SMIM35: variants seen among roughly 807,000 people sequenced by gnomAD.
SMIM35 encodes small integral membrane protein 35.
chr11:118,041,748 G>A lies in SMIM35; in HGVS notation c.8-25939C>T, dbSNP rs548367995. Among the ~76,000 whole-genome samples, 27 of 152,186 alleles carry A rather than the reference G, an allele frequency of 1.8e-4. 2 individuals carry two copies. In the South Asian group the frequency reaches 5.4e-3, roughly 30 times the overall value. ...CCTAATCTTCCAGTTAATCTTCTAA[G>A]ACGCTAGAGAAAGAAACACAGGCCG... On this transcript the variant is annotated intron_variant, in intron 1 of 4. Transcript: ENST00000689828.
At chr11:118,032,069 T>C (rs975987375) in intron 1 of SMIM35, 13 of 152,092 alleles carry the variant, frequency 8.5e-5, no homozygotes, top group Non-Finnish European at 1.8e-4. Flanking sequence ...GAGACAGAGA[T>C]TACAGTGAGC....
chr11:118,008,953 A>T (rs976185325), intron 4 of SMIM35, among the ~76,000 whole-genome samples: 4 of 152,258 alleles, frequency 2.6e-5, no homozygotes, highest in African/African-American at 9.6e-5. Flanking sequence ...CAAAGAAATA[A>T]TCAATAATAA....
intron 1 of SMIM35, among the ~76,000 whole-genome samples, chr11:118,039,776 C>A (rs948003367): frequency 1.3e-5 from 2 of 151,662 alleles, no homozygotes; most frequent in Admixed American, 1.3e-4. Flanking sequence ...CCTGGCCAGG[C>A]GCAGTGGCTC....
chr11:118,048,946 CAAAAAA>C (rs57261529), intron 1 of SMIM35, among the ~76,000 whole-genome samples: 2 of 60,488 alleles, frequency 3.3e-5, no homozygotes, highest in Non-Finnish European at 6.1e-5. Flanking sequence ...TGAAGAGCTG[CAAAAAA>C]AAAAAAAAAA....
intron 1 of SMIM35, among the ~76,000 whole-genome samples, chr11:118,040,243 A>T (rs1591292079): frequency 6.6e-6 from 1 of 152,180 alleles, no homozygotes; most frequent in African/African-American, 2.4e-5. Context: ...TAACCTCCAC[A>T]TCCAGAAGCT....
chr11:118,049,339 ATTTTTTTTTTTT>A lies in SMIM35; in HGVS notation c.8-33542_8-33531del, dbSNP rs398017739. Reference sequence around the variant, plus strand: ...TTCTCGCATGTTTGTTCCACCCTTAATTTTTTTTTTTTTTTTTTTTTTTTTTTGAGACAGAGC... The same window carrying A: ...TTCTCGCATGTTTGTTCCACCCTTAATTTTTTTTTTTTTTTGAGACAGAGC... On this transcript the variant is annotated intron_variant, in intron 1 of 4. Coordinates refer to ENST00000689828, the MANE Select transcript of SMIM35 (RefSeq NM_001394165.1). Among the ~76,000 whole-genome samples, 9 of 83,992 alleles carry A rather than the reference ATTTTTTTTTTTT, an allele frequency of 1.1e-4. 1 individual carries two copies. The highest frequency in any genetic ancestry group is 2.8e-4 in the Admixed American group (2 of 7,208). 55.1% of individuals were successfully genotyped at this position (83,992 alleles called of 152,430 possible).
chr11:118,038,245 C>T (rs375998772), intron 1 of SMIM35, among the ~76,000 whole-genome samples: 11 of 152,184 alleles, frequency 7.2e-5, no homozygotes, highest in Admixed American at 2.6e-4. Context: ...TTGTGTTGGG[C>T]AGTGTCGTCC....
chr11:118,047,987 C>T (rs11216730), intron 1 of SMIM35, among the ~76,000 whole-genome samples: 6,058 of 152,260 alleles, frequency 0.04, 206 homozygotes, highest in East Asian at 0.19. Flanking sequence ...GATGGAACCT[C>T]GCCAAGCCCT....
intron 4 of SMIM35, among the ~76,000 whole-genome samples, chr11:118,010,966 G>A (rs966011917): frequency 1.3e-5 from 2 of 152,170 alleles, no homozygotes; most frequent in African/African-American, 2.4e-5. Flanking sequence ...ATCTGCTCCC[G>A]AATCGTTTCT....
At chr11:118,051,825 G>GATACTAATACTA (rs57139857) in intron 1 of SMIM35, among the ~76,000 whole-genome samples, 7,126 of 149,494 alleles carry the variant, frequency 0.048, 205 homozygotes, top group Admixed American at 0.06. Context: ...AGTTTAGGTT[G>GATACTAATACTA]ATACTAATAC....
At chr11:118,053,765 T>C (rs1054703138) in intron 1 of SMIM35, among the ~76,000 whole-genome samples, 1 of 152,198 alleles carries the variant, frequency 6.6e-6, no homozygotes, top group African/African-American at 2.4e-5. Context: ...ACTCATCTCA[T>C]TCAAGGTCCC....
chr11:118,063,134 T>C (rs985324603), intron 1 of SMIM35, among the ~76,000 whole-genome samples: 1 of 152,212 alleles, frequency 6.6e-6, no homozygotes, highest in Non-Finnish European at 1.5e-5. Context: ...GAAATAACCA[T>C]AAAAATAGGC....
chr11:118,074,786 C>T (rs1565399850), intron 1 of SMIM35, among the ~76,000 whole-genome samples: 1 of 151,278 alleles, frequency 6.6e-6, no homozygotes, highest in Non-Finnish European at 1.5e-5. Context: ...TCTGGTCCAG[C>T]TGGTTTTCCC....
chr11:118,074,748 GAAA>G (rs55685115), intron 1 of SMIM35, among the ~76,000 whole-genome samples: 64 of 135,636 alleles, frequency 4.7e-4, no homozygotes, highest in Non-Finnish European at 5.5e-4. Flanking sequence ...CCCTGTCTCA[GAAA>G]AAAAAAAAAA....
chr11:118,036,873 C>T (rs1323991768), intron 1 of SMIM35, among the ~76,000 whole-genome samples: 2 of 152,168 alleles, frequency 1.3e-5, no homozygotes, highest in Non-Finnish European at 2.9e-5. Context: ...GGCTCGAATG[C>T]TTGGGTTTAT....
chr11:118,052,904 A>T (rs1944242027), intron 1 of SMIM35, among the ~76,000 whole-genome samples: 1 of 152,150 alleles, frequency 6.6e-6, no homozygotes, highest in Non-Finnish European at 1.5e-5. Flanking sequence ...CCTCTGTCAT[A>T]GCACAAATAC....
intron 1 of SMIM35, among the ~76,000 whole-genome samples, chr11:118,054,750 A>G (rs1460362761): frequency 6.6e-6 from 1 of 151,840 alleles, no homozygotes; most frequent in East Asian, 1.9e-4. Flanking sequence ...TGAAATGTAA[A>G]TAAATATGTT....
At chr11:118,063,830 C>T (rs569102553) in intron 1 of SMIM35, among the ~76,000 whole-genome samples, 2 of 152,332 alleles carry the variant, frequency 1.3e-5, no homozygotes, top group South Asian at 4.1e-4. Flanking sequence ...CATGAAAGCC[C>T]CGTGTCCCTT....
At chr11:118,025,840 T>C (rs531737937) in intron 1 of SMIM35, 1 of 443,906 alleles carries the variant, frequency 2.3e-6, no homozygotes, top group East Asian at 7.2e-5. Flanking sequence ...TAACTGCTTT[T>C]GGAAACTTAG....
Sources: allele counts gnomAD v4.1 joint callset (sites outside exome capture counted in the v4.1 genomes callset), GRCh38; gene constraint gnomAD v4.1.1; transcripts MANE v1.5; gene names NCBI Gene and HGNC (gene_info 2026-07-23, HGNC 2026-07-21).